Variants in DOCK2 observed in about 807,000 individuals in gnomAD.
DOCK2 encodes the protein dedicator of cytokinesis 2, also known as dedicator of cytokinesis protein 2.
A neutral mutation model predicts 248.9 loss-of-function variants in DOCK2; 87 were observed. That is an observed-to-expected ratio of 0.35 (90% CI 0.29 to 0.42). The LOEUF is 0.42. Ranked by LOEUF, DOCK2 falls within the 10% of genes least tolerant of loss-of-function variation. DOCK2 has a pLI of 1.00. For synonymous variants in DOCK2, 805 were observed against 821.6 expected (o/e 0.98, Z 0.35); for missense variants, 1,747 against 2,300.2 (o/e 0.76, Z 4.92).
At chr5:169,986,088 C>T (rs1778061885) in intron 29 of DOCK2, among the ~76,000 whole-genome samples, 166 bp downstream of exon 29, 1 of 152,156 alleles carries the variant, frequency 6.6e-6, no homozygotes, top group South Asian at 2.1e-4. Context: ...CCTCACCAAT[C>T]GAAGCTACTC....
chr5:169,752,010 G>C (rs1417074099), intron 23 of DOCK2, among the ~76,000 whole-genome samples: 1 of 152,068 alleles, frequency 6.6e-6, no homozygotes, highest in Non-Finnish European at 1.5e-5. Context: ...TATGCCACAG[G>C]TAAGGTTTAG....
intron 48 of DOCK2, 31 bp downstream of exon 48, chr5:170,077,868 C>T (rs764193749): frequency 1.2e-6 from 2 of 1,603,854 alleles, no homozygotes; most frequent in Non-Finnish European, 1.7e-6. Context: ...GAGCCCCCCA[C>T]ACCCCTGCCT....
chr5:169,654,929 C>T (rs1758021675), intron 2 of DOCK2, among the ~76,000 whole-genome samples: 1 of 152,242 alleles, frequency 6.6e-6, no homozygotes, highest in African/African-American at 2.4e-5. Flanking sequence ...GCTCACTCCC[C>T]TCCCCAAGCT....
At chr5:169,790,167 G>C (rs1012389905) in intron 25 of DOCK2, among the ~76,000 whole-genome samples, 4 of 152,112 alleles carry the variant, frequency 2.6e-5, no homozygotes, top group Non-Finnish European at 5.9e-5. Flanking sequence ...GAAATGAAGG[G>C]CCCCTCTGTT....
At chr5:169,745,751 T>C (rs934841641) in intron 22 of DOCK2, among the ~76,000 whole-genome samples, 1 of 152,216 alleles carries the variant, frequency 6.6e-6, no homozygotes, top group Non-Finnish European at 1.5e-5. Context: ...AGCAGTGCTC[T>C]GTAATGTTTG....
At chr5:169,739,699 T>C (rs1448886816) in intron 22 of DOCK2, among the ~76,000 whole-genome samples, 1 of 152,176 alleles carries the variant, frequency 6.6e-6, no homozygotes, top group Non-Finnish European at 1.5e-5. Flanking sequence ...AGAAACCTCC[T>C]AGATTGTAAA....
At chr5:169,978,021 C>T (rs1057365259) in intron 27 of DOCK2, among the ~76,000 whole-genome samples, 1 of 152,178 alleles carries the variant, frequency 6.6e-6, no homozygotes. Flanking sequence ...CTAGAAAGAA[C>T]TTTTCATCTG....
At chr5:169,838,527 A>C (rs1769734547) in intron 26 of DOCK2, among the ~76,000 whole-genome samples, 1 of 152,212 alleles carries the variant, frequency 6.6e-6, no homozygotes, top group African/African-American at 2.4e-5. Context: ...GGAGACTGTA[A>C]GTCAGCAAAA....
intron 25 of DOCK2, among the ~76,000 whole-genome samples, chr5:169,797,012 G>A (rs1766693484): frequency 6.6e-6 from 1 of 152,230 alleles, no homozygotes; most frequent in South Asian, 2.1e-4. Context: ...AGGGACTCCT[G>A]TGCAGGGAGC....
At chr5:169,689,180 C>G in intron 8 of DOCK2, 72 bp from the exon 9 acceptor site, 1 of 1,476,482 alleles carries the variant, frequency 6.8e-7, no homozygotes. Context: ...ATAGTAGATG[C>G]TTGGTGAATG....
intron 27 of DOCK2, among the ~76,000 whole-genome samples, chr5:169,950,242 A>T (rs566162124): frequency 1.2e-4 from 18 of 152,344 alleles, no homozygotes; most frequent in African/African-American, 3.8e-4. Context: ...CCATGCCCCT[A>T]GAGAAAGTTA....
intron 23 of DOCK2, among the ~76,000 whole-genome samples, chr5:169,750,231 C>T (rs912917313): frequency 7.9e-5 from 12 of 152,130 alleles, no homozygotes; most frequent in African/African-American, 2.9e-4. Flanking sequence ...AATTTCAGCA[C>T]CTGTTTCCCT....
intron 27 of DOCK2, among the ~76,000 whole-genome samples, chr5:169,895,019 G>A (rs528174115): frequency 8.5e-5 from 13 of 152,140 alleles, no homozygotes; most frequent in African/African-American, 9.6e-5. Context: ...TCCTCCTCTC[G>A]TGCAGGAATC....
intron 23 of DOCK2, among the ~76,000 whole-genome samples, chr5:169,757,532 A>G (rs2113726021): frequency 6.6e-6 from 1 of 152,298 alleles, no homozygotes; most frequent in Admixed American, 6.5e-5. Flanking sequence ...TTATCTTATA[A>G]TCTACATTTA....
At chr5:169,873,894 C>T (rs1251371041) in intron 27 of DOCK2, among the ~76,000 whole-genome samples, 1 of 152,154 alleles carries the variant, frequency 6.6e-6, no homozygotes, top group Non-Finnish European at 1.5e-5. Context: ...GAAGCCCTTG[C>T]TTTTCTCTTG....
intron 22 of DOCK2, among the ~76,000 whole-genome samples, chr5:169,719,801 G>A (rs1762095546): frequency 1.3e-5 from 2 of 152,118 alleles, no homozygotes; most frequent in Non-Finnish European, 2.9e-5. Context: ...TTGTGGTCAT[G>A]TGTGCATTAC....
At chr5:169,736,393 TTCC>T (rs1241722532) in intron 22 of DOCK2, among the ~76,000 whole-genome samples, 5 of 152,274 alleles carry the variant, frequency 3.3e-5, no homozygotes, top group Middle Eastern at 3.4e-3. Context: ...TTATCAACTT[TTCC>T]TCCTCTGATA....
chr5:169,707,769 A>T (rs938318296), intron 14 of DOCK2, among the ~76,000 whole-genome samples: 1 of 152,194 alleles, frequency 6.6e-6, no homozygotes, highest in Non-Finnish European at 1.5e-5. Context: ...TTCATCGCAA[A>T]GAGTTGCTGC....
At chr5:169,713,559 A>T (rs914483733) in intron 17 of DOCK2, among the ~76,000 whole-genome samples, 4 of 152,144 alleles carry the variant, frequency 2.6e-5, no homozygotes, top group Non-Finnish European at 5.9e-5. Context: ...GAAAAAAAAA[A>T]TGAGACACAA....
Sources: gnomAD v4.1 joint callset for allele counts (sites outside exome capture counted in the v4.1 genomes callset) on GRCh38, gnomAD v4.1.1 for gene constraint, MANE v1.5 for transcripts, NCBI Gene and HGNC (gene_info 2026-07-23, HGNC 2026-07-21) for gene names.